LRIG1: variants seen among roughly 807,000 people sequenced by gnomAD.
LRIG1 encodes leucine-rich repeats and immunoglobulin-like domains protein 1.
Under a neutral mutation model 99.2 loss-of-function variants are expected in LRIG1, and 48 were observed. That is an observed-to-expected ratio of 0.48 (90% CI 0.38 to 0.62). LRIG1 has a LOEUF of 0.62. LRIG1 is among the 20% of genes least tolerant of loss of function. LRIG1 has a pLI of 0.00. For synonymous variants in LRIG1, 772 were observed against 596.1 expected (o/e 1.29, Z -4.30); for missense variants, 1,646 against 1,434.4 (o/e 1.15, Z -2.38).
chr3:66,407,477 T>C lies in LRIG1; in HGVS notation c.950A>G (p.Asn317Ser). 6.2e-7 allele frequency: 1 copy of C among 1,613,940 alleles called. No individual in the cohort carries two copies. The highest frequency in any genetic ancestry group is 8.5e-7 in the Non-Finnish European group (1 of 1,180,010). The change falls in exon 8 of 19, where the codon AAC becomes AGC. Residue 317 changes from asparagine (N) to serine (S), a missense_variant. Coordinates refer to ENST00000273261, the MANE Select transcript of LRIG1 (RefSeq NM_015541.3). ...QKLHELVLSFNNLTRLDEESL... is the reference protein window; with the variant it reads ...QKLHELVLSFSNLTRLDEESL... ...CTCCTCGTCCAGCCGTGTCAGGTTG[T>C]TGAAGGACAGGACCCTGAGGAAAGG...
intron 7 of LRIG1, among the ~76,000 whole-genome samples, chr3:66,408,974 G>A (rs1702374489): frequency 6.8e-6 from 1 of 148,008 alleles, no homozygotes; most frequent in South Asian, 2.2e-4. Flanking sequence ...TGGGGGGAGG[G>A]GGGGAGGAGG....
chr3:66,449,207 C>T (rs935079436), intron 3 of LRIG1, among the ~76,000 whole-genome samples: 1 of 152,226 alleles, frequency 6.6e-6, no homozygotes, highest in African/African-American at 2.4e-5. Flanking sequence ...AATAATCCAG[C>T]TGCCCAGATG....
chr3:66,422,868 C>T (rs1442047768), intron 3 of LRIG1, among the ~76,000 whole-genome samples: 1 of 152,232 alleles, frequency 6.6e-6, no homozygotes, highest in Non-Finnish European at 1.5e-5. Flanking sequence ...GCCTCACAAT[C>T]ATGGCAGAAG....
Position 66,398,961 on chromosome 3 carries a change from G to C in LRIG1, c.1232+9C>G. 2 of 1,613,604 alleles carry C rather than the reference G, an allele frequency of 1.2e-6. No individual in the cohort carries two copies. The highest frequency in any genetic ancestry group is 1.7e-6 in the Non-Finnish European group (2 of 1,179,490). On this transcript the variant is annotated intron_variant, in intron 10 of 18. Transcript: ENST00000273261. Reference sequence around the variant, plus strand: ...CTGTGCCTCAGGGCAGGGCTGGTGAGATACTCACAGGTGCTCCAGGCCTTC... The same window carrying C: ...CTGTGCCTCAGGGCAGGGCTGGTGACATACTCACAGGTGCTCCAGGCCTTC...
rs773224257 is a variant in LRIG1 at position 66,380,100 on chromosome 3, C to T, written c.*163G>A. 5.0e-5 allele frequency: 29 copies of T among 583,742 alleles called. No individual in the cohort carries two copies. Among genetic ancestry groups the T allele is most frequent in the African/African-American group, 9.3e-5 (5 of 53,770 alleles). 36.2% of individuals were successfully genotyped at this position (583,742 alleles called of 1,614,324 possible). Reference sequence around the variant, plus strand: ...CCTTTTGTACACAAATCCCCTCTTGCGTTTACTGTGCTTCAGATCCAAGTC... The same window carrying T: ...CCTTTTGTACACAAATCCCCTCTTGTGTTTACTGTGCTTCAGATCCAAGTC... On this transcript the variant is annotated 3_prime_UTR_variant, in exon 19 of 19. Transcript: ENST00000273261.
Position 66,384,329 on chromosome 3 carries a change from A to T in LRIG1, c.1790-57T>A, listed in dbSNP as rs565344864. ...CGGGACAGCTAGATGCAAAACCAGG[A>T]AGTCCTCTGGCAAACACCTACCTGT... On this transcript the variant is annotated intron_variant, in intron 13 of 18. Coordinates refer to ENST00000273261, the MANE Select transcript of LRIG1 (RefSeq NM_015541.3). 6.4e-5 allele frequency: 99 copies of T among 1,552,052 alleles called. 2 individuals are homozygous for T. In the South Asian group the frequency reaches 9.9e-4, roughly 16 times the overall value.
chr3:66,418,811 GT>G (rs1297248110), intron 3 of LRIG1, among the ~76,000 whole-genome samples: 1 of 151,994 alleles, frequency 6.6e-6, no homozygotes, highest in Non-Finnish European at 1.5e-5. Context: ...GGACTCCTTT[GT>G]TTTTTTCATG....
Position 66,379,166 on chromosome 3 carries a change from A to C in LRIG1, c.*1097T>G, listed in dbSNP as rs1489299938. On this transcript the variant is annotated 3_prime_UTR_variant, in exon 19 of 19. Transcript: ENST00000273261. Reference sequence around the variant, plus strand: ...TACTAAATGACACATTGGCACTCATAAGATGGTTAGCTACCAGTCTCAAAA... The same window carrying C: ...TACTAAATGACACATTGGCACTCATCAGATGGTTAGCTACCAGTCTCAAAA... 1 of 152,644 alleles carries C rather than the reference A, an allele frequency of 6.6e-6. No homozygotes were observed. The highest frequency in any genetic ancestry group is 2.4e-5 in the African/African-American group (1 of 41,458). 9.5% of individuals were successfully genotyped at this position (152,644 alleles called of 1,614,324 possible).
At chr3:66,428,218 C>T (rs535342876) in intron 3 of LRIG1, among the ~76,000 whole-genome samples, 141 of 152,292 alleles carry the variant, frequency 9.3e-4, no homozygotes, top group African/African-American at 3.2e-3. Flanking sequence ...CCTTAGCAGA[C>T]ACTGGTAGTT....
intron 14 of LRIG1, 87 bp downstream of exon 14, chr3:66,383,904 C>A (rs1701231636): frequency 6.6e-7 from 1 of 1,525,248 alleles, no homozygotes; most frequent in Non-Finnish European, 8.8e-7. Flanking sequence ...ACAACGCATA[C>A]CACCCCTGGC....
intron 3 of LRIG1, among the ~76,000 whole-genome samples, chr3:66,447,081 A>AT (rs978308739): frequency 1.3e-5 from 2 of 151,960 alleles, no homozygotes; most frequent in African/African-American, 2.4e-5. Context: ...AAATTTTCTG[A>AT]TTTTTTTGTG....
chr3:66,420,171 T>C (rs995186856), intron 3 of LRIG1, among the ~76,000 whole-genome samples: 1 of 152,120 alleles, frequency 6.6e-6, no homozygotes, highest in Non-Finnish European at 1.5e-5. Context: ...AACACACAAA[T>C]GGCCAAGAAG....
chr3:66,499,165 T>C (rs1701295167), intron 1 of LRIG1, among the ~76,000 whole-genome samples: 1 of 151,528 alleles, frequency 6.6e-6, no homozygotes, highest in Non-Finnish European at 1.5e-5. Flanking sequence ...ACCAGATTTG[T>C]TAGAAGTAAA....
intron 3 of LRIG1, among the ~76,000 whole-genome samples, chr3:66,449,790 T>C (rs1483490891): frequency 6.6e-6 from 1 of 152,202 alleles, no homozygotes; most frequent in Non-Finnish European, 1.5e-5. Flanking sequence ...AGAGATATTC[T>C]CTGTGGCCCT....
At chr3:66,463,487 C>T (rs1375557782) in intron 1 of LRIG1, among the ~76,000 whole-genome samples, 2 of 152,156 alleles carry the variant, frequency 1.3e-5, no homozygotes, top group South Asian at 2.1e-4. Flanking sequence ...CCCTTAGAGG[C>T]GGACAAAGAG....
intron 3 of LRIG1, among the ~76,000 whole-genome samples, chr3:66,418,588 G>A (rs898033197): frequency 4.6e-5 from 7 of 152,182 alleles, no homozygotes; most frequent in African/African-American, 1.7e-4. Flanking sequence ...CTGGGTGGTG[G>A]CGCTGGGCCT....
At chr3:66,438,194 T>A (rs1703423920) in intron 3 of LRIG1, among the ~76,000 whole-genome samples, 2 of 152,138 alleles carry the variant, frequency 1.3e-5, no homozygotes, top group African/African-American at 4.8e-5. Flanking sequence ...CCGAAGGGCC[T>A]GCTAGGGTGC....
chr3:66,454,972 C>T (rs6788722), intron 2 of LRIG1, among the ~76,000 whole-genome samples: 7,088 of 152,246 alleles, frequency 0.047, 522 homozygotes, highest in African/African-American at 0.16. Context: ...GACGGAGTCT[C>T]GCTCTGTGGT....
chr3:66,421,198 C>A (rs1702797998), intron 3 of LRIG1, among the ~76,000 whole-genome samples: 1 of 152,110 alleles, frequency 6.6e-6, no homozygotes, highest in Non-Finnish European at 1.5e-5. Flanking sequence ...TGCCCCTGGC[C>A]CCTCCCAAAT....
Sources: allele counts gnomAD v4.1 joint callset (sites outside exome capture counted in the v4.1 genomes callset), GRCh38; gene constraint gnomAD v4.1.1; transcripts MANE v1.5; gene names NCBI Gene and HGNC (gene_info 2026-07-23, HGNC 2026-07-21).